The following TNR variants were observed in gnomAD, a reference collection of about 807,000 sequenced individuals.
TNR encodes the protein tenascin-R.
TNR carries 45 observed loss-of-function variants against 150.4 expected under a neutral mutation model. The ratio of observed to expected loss-of-function variants is 0.30; its 90% CI spans 0.24 to 0.38. TNR has a LOEUF of 0.38. TNR is among the 10% of genes least tolerant of loss of function. The probability of loss-of-function intolerance (pLI) is 1.00; values close to 1 mark genes in which losing one functional copy is unlikely to be tolerated. For synonymous variants in TNR, 687 were observed against 678.4 expected (o/e 1.01, Z -0.20); for missense variants, 1,544 against 1,759.1 (o/e 0.88, Z 2.19).
At chr1:175,363,610 A>T (rs999449716) in intron 13 of TNR, 98 bp downstream of exon 13, 8 of 1,482,204 alleles carry the variant, frequency 5.4e-6, no homozygotes, top group Non-Finnish European at 7.3e-6. Flanking sequence ...AGAAGAGGAA[A>T]AACGCAGGCA....
In TNR at chr1:175,399,981, C is replaced by T. The variant is rs577582356; in HGVS notation, c.976+3159G>A. Among the ~76,000 whole-genome samples, 11 of 152,298 alleles carry T rather than the reference C, an allele frequency of 7.2e-5. No individual in the cohort carries two copies. In the East Asian group the frequency reaches 1.2e-3, roughly 16 times the overall value. On this transcript the variant is annotated intron_variant, in intron 4 of 22. Coordinates refer to ENST00000367674, the MANE Select transcript of TNR (RefSeq NM_003285.3). ...GCAGAGGCTGACACTGATGAATCTC[C>T]GCAGGTCTGACTGAAGTCCAGGAAA...
At chr1:175,674,362 G>A (rs976680509) in intron 1 of TNR, among the ~76,000 whole-genome samples, 2 of 152,166 alleles carry the variant, frequency 1.3e-5, no homozygotes, top group East Asian at 1.9e-4. Flanking sequence ...CAGCTCTGGC[G>A]TGGAGCTGGA....
At chr1:175,351,283 T>C (rs180988388) in intron 18 of TNR, among the ~76,000 whole-genome samples, 1 of 152,180 alleles carries the variant, frequency 6.6e-6, no homozygotes, top group African/African-American at 2.4e-5. Flanking sequence ...AATTTGCTCT[T>C]GGGCAGGGGT....
chr1:175,458,957 A>C (rs998927246), intron 2 of TNR, among the ~76,000 whole-genome samples: 24 of 143,730 alleles, frequency 1.7e-4, no homozygotes, highest in African/African-American at 6.8e-4. Context: ...ACCTCCACCA[A>C]CACCATCACC....
At chr1:175,641,504 A>G (rs1571704738) in intron 1 of TNR, among the ~76,000 whole-genome samples, 1 of 152,304 alleles carries the variant, frequency 6.6e-6, no homozygotes, top group African/African-American at 2.4e-5. Context: ...GGCATCTTCT[A>G]TTACTGTGGA....
intron 1 of TNR, among the ~76,000 whole-genome samples, chr1:175,703,517 C>G (rs1173992442): frequency 1.3e-5 from 2 of 152,184 alleles, no homozygotes; most frequent in African/African-American, 4.8e-5. Flanking sequence ...CATTTTACAG[C>G]TAGGGTAGGG....
chr1:175,741,170 T>TA (rs1667917385), intron 1 of TNR, among the ~76,000 whole-genome samples: 1 of 152,264 alleles, frequency 6.6e-6, no homozygotes, highest in South Asian at 2.1e-4. Context: ...GAGCAATCCA[T>TA]TCCTTCTCTC....
At position 175,394,293 on chromosome 1, in the gene TNR, G is replaced by A. The variant is rs889394850; in HGVS notation, c.1241-398C>T. ...CTTTAGAAGCTTTACAGGACTCCCGGGAGGTACTATGATGGCTTCTATCAG... is the reference window on the plus strand; with the variant it reads ...CTTTAGAAGCTTTACAGGACTCCCGAGAGGTACTATGATGGCTTCTATCAG... On this transcript the variant is annotated intron_variant, in intron 5 of 22. Transcript: ENST00000367674. Among the ~76,000 whole-genome samples the A allele has an allele frequency of 1.2e-4, 19 of 152,134 alleles. 1 individual carries two copies. The highest frequency in any genetic ancestry group is 1.2e-3 in the Admixed American group (19 of 15,272).
At chr1:175,716,536 C>T (rs553676015) in intron 1 of TNR, among the ~76,000 whole-genome samples, 11 of 152,156 alleles carry the variant, frequency 7.2e-5, no homozygotes, top group Non-Finnish European at 1.3e-4. Flanking sequence ...CCATTTTCAC[C>T]TCCTTTATTC....
intron 7 of TNR, among the ~76,000 whole-genome samples, chr1:175,389,496 G>T (rs980254637): frequency 1.3e-5 from 2 of 152,152 alleles, no homozygotes; most frequent in African/African-American, 4.8e-5. Context: ...AGGCCTTGCT[G>T]GGTCTCCCCC....
chr1:175,362,648 G>A lies in TNR; in HGVS notation c.2854+15C>T. On this transcript the variant is annotated intron_variant, in intron 14 of 22. Coordinates refer to ENST00000367674, the MANE Select transcript of TNR (RefSeq NM_003285.3). ...GCCAGGGTTCTGACTTGACACAGCAGGGAGACATTCCCACCTGTGTGCACA... is the reference window on the plus strand; with the variant it reads ...GCCAGGGTTCTGACTTGACACAGCAAGGAGACATTCCCACCTGTGTGCACA... 1.9e-6 allele frequency: 3 copies of A among 1,611,156 alleles called. No individual in the cohort carries two copies. Among genetic ancestry groups the A allele is most frequent in the Non-Finnish European group, 2.5e-6 (3 of 1,177,608 alleles).
intron 1 of TNR, among the ~76,000 whole-genome samples, chr1:175,549,050 T>C (rs1007759801): frequency 6.6e-6 from 1 of 152,136 alleles, no homozygotes; most frequent in African/African-American, 2.4e-5. Context: ...TCCATACACG[T>C]GCCAGGAGCA....
chr1:175,448,335 C>T (rs766745050), intron 2 of TNR, among the ~76,000 whole-genome samples: 62 of 152,078 alleles, frequency 4.1e-4, no homozygotes, highest in Admixed American at 6.6e-4. Flanking sequence ...CTCCTGTCTC[C>T]CGAGTAGCTG....
chr1:175,325,586 C>T (rs1387703172), intron 21 of TNR, among the ~76,000 whole-genome samples: 1 of 152,170 alleles, frequency 6.6e-6, no homozygotes, highest in Non-Finnish European at 1.5e-5. Context: ...TATTGCAGCA[C>T]TATTCACAAT....
intron 18 of TNR, among the ~76,000 whole-genome samples, chr1:175,347,719 C>A (rs935903068): frequency 3.3e-5 from 5 of 151,850 alleles, no homozygotes; most frequent in Admixed American, 6.6e-5. Context: ...CTGCGCCTGG[C>A]CTAAATAGTT....
chr1:175,428,261 T>C (rs1007313284), intron 2 of TNR, among the ~76,000 whole-genome samples: 15 of 152,186 alleles, frequency 9.9e-5, no homozygotes, highest in African/African-American at 3.6e-4. Flanking sequence ...TCCTTAATGG[T>C]CTTCCTTTTT....
intron 1 of TNR, among the ~76,000 whole-genome samples, chr1:175,713,109 C>T (rs540277796): frequency 3.3e-5 from 5 of 152,256 alleles, no homozygotes; most frequent in Admixed American, 6.5e-5. Context: ...TAATGCTGGA[C>T]GATAGGCTGG....
chr1:175,533,248 GAAT>G (rs1370007383), intron 1 of TNR, among the ~76,000 whole-genome samples: 4 of 152,298 alleles, frequency 2.6e-5, no homozygotes, highest in South Asian at 2.1e-4. Flanking sequence ...TGTAAGATGG[GAAT>G]AATAATATTT....
intron 2 of TNR, among the ~76,000 whole-genome samples, chr1:175,461,897 T>C (rs1440390068): frequency 6.6e-6 from 1 of 152,226 alleles, no homozygotes; most frequent in East Asian, 1.9e-4. Flanking sequence ...GACTTGGGAT[T>C]GAGAAGAACA....
Sources: allele counts gnomAD v4.1 joint callset (sites outside exome capture counted in the v4.1 genomes callset), GRCh38; gene constraint gnomAD v4.1.1; transcripts MANE v1.5; gene names NCBI Gene and HGNC (gene_info 2026-07-23, HGNC 2026-07-21).